MGAM: variants seen among roughly 807,000 people sequenced by gnomAD.
MGAM encodes alpha-1,4-glucosidase.
Under a neutral mutation model 358.8 loss-of-function variants are expected in MGAM, and 253 were observed. The observed-to-expected ratio is 0.71, with a 90% CI of 0.64 to 0.78. The LOEUF (loss-of-function observed/expected upper bound fraction) is 0.78. Ranked by LOEUF, MGAM falls within the 30% of genes least tolerant of loss-of-function variation. MGAM has a pLI of 0.00. For synonymous variants in MGAM, 1,105 were observed against 1,227.1 expected (o/e 0.90, Z 2.08); for missense variants, 3,080 against 3,432.6 (o/e 0.90, Z 2.57).
intron 2 of MGAM, among the ~76,000 whole-genome samples, chr7:141,987,444 G>C (rs1431240448): frequency 2.0e-5 from 3 of 152,200 alleles, no homozygotes; most frequent in Non-Finnish European, 4.4e-5. Flanking sequence ...TTCAGGCACT[G>C]TGTCTCAAAT....
At chr7:142,016,189 G>C (rs947315206) in intron 3 of MGAM, among the ~76,000 whole-genome samples, 2 of 152,150 alleles carry the variant, frequency 1.3e-5, no homozygotes, top group South Asian at 4.1e-4. Flanking sequence ...GGGAATTGGA[G>C]GAGGAGAGGA....
intron 1 of MGAM, among the ~76,000 whole-genome samples, chr7:141,998,805 A>G (rs1804492501): frequency 6.6e-6 from 1 of 152,114 alleles, no homozygotes; most frequent in Non-Finnish European, 1.5e-5. Flanking sequence ...TGGTATTTCT[A>G]GTTCTAGATC....
intron 57 of MGAM, among the ~76,000 whole-genome samples, chr7:142,089,270 G>A (rs1815139922): frequency 6.8e-6 from 1 of 146,442 alleles, no homozygotes; most frequent in Non-Finnish European, 1.5e-5. Flanking sequence ...TGAGGGCAGT[G>A]TTGGTTATCA....
chr7:142,044,609 A>G (rs1369202705), intron 21 of MGAM, among the ~76,000 whole-genome samples: 1 of 124,050 alleles, frequency 8.1e-6, no homozygotes, highest in African/African-American at 2.9e-5. Context: ...CGTGTAATAT[A>G]TGATATATAA....
chr7:142,032,549 GTCA>G (rs1807601675), intron 13 of MGAM, among the ~76,000 whole-genome samples: 1 of 151,988 alleles, frequency 6.6e-6, no homozygotes, highest in Non-Finnish European at 1.5e-5. Flanking sequence ...GTTGAAACAT[GTCA>G]TCATATAAAT....
At chr7:142,095,315 G>C (rs79700982) in intron 63 of MGAM, among the ~76,000 whole-genome samples, 2,715 of 152,240 alleles carry the variant, frequency 0.018, 64 homozygotes, top group African/African-American at 0.062. Flanking sequence ...ATTATGTTTT[G>C]TTCTTCTTGT....
At chr7:142,055,458 T>G in intron 27 of MGAM, 100 bp from the exon 28 acceptor site, 1 of 1,435,200 alleles carries the variant, frequency 7.0e-7, no homozygotes, top group Non-Finnish European at 9.8e-7. Context: ...GAACAGCTTC[T>G]TGGTAGGAAT....
intron 14 of MGAM, among the ~76,000 whole-genome samples, chr7:142,033,825 A>G (rs1467174182): frequency 6.6e-6 from 1 of 152,170 alleles, no homozygotes; most frequent in Non-Finnish European, 1.5e-5. Flanking sequence ...GAGTGGTGCA[A>G]TGGGAGCAGA....
intron 3 of MGAM, among the ~76,000 whole-genome samples, chr7:142,015,785 C>T (rs1805917409): frequency 1.3e-5 from 2 of 151,778 alleles, no homozygotes; most frequent in Non-Finnish European, 2.9e-5. Context: ...TAGTAAGATA[C>T]TTGTTGTACA....
chr7:142,066,448 C>T, intron 40 of MGAM, 125 bp from the exon 41 acceptor site: 1 of 1,130,522 alleles, frequency 8.8e-7, no homozygotes, highest in Admixed American at 2.7e-5. Flanking sequence ...TTCTCTGGGC[C>T]TCATGTATAG....
At chr7:142,014,661 A>G (rs1805833097) in intron 3 of MGAM, among the ~76,000 whole-genome samples, 1 of 152,086 alleles carries the variant, frequency 6.6e-6, no homozygotes, top group South Asian at 2.1e-4. Context: ...TTTACCATGC[A>G]TTCCTTTCAA....
intron 49 of MGAM, 65 bp from the exon 50 acceptor site, chr7:142,080,726 G>C (rs1814179580): frequency 1.5e-6 from 2 of 1,352,644 alleles, no homozygotes; most frequent in East Asian, 4.9e-5. Context: ...AATCAAAAAG[G>C]TTCTGCTAAG....
chr7:142,044,258 TATA>T (rs977995575), intron 21 of MGAM, among the ~76,000 whole-genome samples: 3 of 119,264 alleles, frequency 2.5e-5, no homozygotes, highest in East Asian at 2.3e-4. Flanking sequence ...ACATACGACA[TATA>T]ATATATACAT....
At position 141,998,696 on chromosome 7, in the gene MGAM, A is replaced by G. The variant is rs532438371; in HGVS notation, c.-3+2766A>G. Among the ~76,000 whole-genome samples, 78 of 152,266 alleles carry G rather than the reference A, an allele frequency of 5.1e-4. No individual in the cohort carries two copies. The South Asian group carries it at 9.7e-3, about 19-fold the overall frequency. ...GTTGGTTCCAAGTCTTTGCTATTGTAAATAGTGCTGCAGTAAACATACGTG... is the reference window on the plus strand; with the variant it reads ...GTTGGTTCCAAGTCTTTGCTATTGTGAATAGTGCTGCAGTAAACATACGTG... On this transcript the variant is annotated intron_variant, in intron 1 of 70. Transcript: ENST00000475668.
At position 142,075,227 on chromosome 7, in the gene MGAM, A is replaced by T. The variant is rs548130228; in HGVS notation, c.5276-976A>T. ...TTCTACTGTATATATGTACCAGAAC[A>T]TCTTTATCTATTCATCCACTGATAG... On this transcript the variant is annotated intron_variant, in intron 45 of 70. Transcript: ENST00000475668. 1.1e-4 allele frequency among the ~76,000 whole-genome samples: 16 copies of T among 146,752 alleles called. 1 individual carries two copies. Among genetic ancestry groups the T allele is most frequent in the African/African-American group, 3.9e-4 (16 of 41,264 alleles).
intron 64 of MGAM, 107 bp from the exon 65 acceptor site, chr7:142,096,224 C>G: frequency 8.9e-7 from 1 of 1,126,728 alleles, no homozygotes; most frequent in Non-Finnish European, 1.3e-6. Flanking sequence ...AAGGATGGCT[C>G]AGGGGCAGCT....
At chr7:141,999,742 T>G (rs558299149) in intron 1 of MGAM, among the ~76,000 whole-genome samples, 29 of 152,340 alleles carry the variant, frequency 1.9e-4, no homozygotes. Flanking sequence ...AAAAACATTT[T>G]TAAAAGCCCT....
chr7:142,094,331 C>G (rs1412204421), intron 60 of MGAM, 33 bp from the exon 61 acceptor site: 1 of 1,498,410 alleles, frequency 6.7e-7, no homozygotes, highest in East Asian at 2.5e-5. Flanking sequence ...CCTGGCGGTG[C>G]CCTCAGTTCA....
intron 27 of MGAM, 80 bp from the exon 28 acceptor site, chr7:142,055,478 T>C (rs1811421110): frequency 6.5e-7 from 1 of 1,548,104 alleles, no homozygotes; most frequent in South Asian, 1.1e-5. Context: ...TCAAGTGTTC[T>C]GTTGTCCTTG....
Sources: gnomAD v4.1 joint callset for allele counts (sites outside exome capture counted in the v4.1 genomes callset) on GRCh38, gnomAD v4.1.1 for gene constraint, MANE v1.5 for transcripts, NCBI Gene and HGNC (gene_info 2026-07-23, HGNC 2026-07-21) for gene names.